ATP8B4: variants seen among roughly 807,000 people sequenced by gnomAD.
ATP8B4 encodes the protein probable phospholipid-transporting ATPase IM.
In ATP8B4, 133 loss-of-function variants were observed where a neutral mutation model predicts 145.6. The observed-to-expected ratio is 0.91, with a 90% CI of 0.79 to 1.05. The LOEUF (loss-of-function observed/expected upper bound fraction) is 1.05. Among genes scored for constraint, ATP8B4 ranks in the 50% least tolerant of loss-of-function variants. The pLI is 0.00. For synonymous variants in ATP8B4, 507 were observed against 492.9 expected (o/e 1.03, Z -0.38); for missense variants, 1,458 against 1,425.2 (o/e 1.02, Z -0.37).
chr15:50,176,814 T>C (rs1453457213), intron 1 of ATP8B4, among the ~76,000 whole-genome samples: 3 of 152,184 alleles, frequency 2.0e-5, no homozygotes, highest in Non-Finnish European at 2.9e-5. Context: ...AATTATAAAT[T>C]GTCCTGACTG....
intron 20 of ATP8B4, among the ~76,000 whole-genome samples, chr15:49,913,730 A>G (rs2039465803): frequency 6.6e-6 from 1 of 152,204 alleles, no homozygotes; most frequent in African/African-American, 2.4e-5. Flanking sequence ...CCAATAATGA[A>G]GTACCTGAGA....
chr15:49,974,397 CTT>C (rs35144345), intron 12 of ATP8B4, among the ~76,000 whole-genome samples: 32 of 142,798 alleles, frequency 2.2e-4, no homozygotes, highest in Non-Finnish European at 2.6e-4. Context: ...GCCACTTGTC[CTT>C]TTTTTTTTTT....
chr15:49,949,780 T>G (rs1027311741), intron 14 of ATP8B4, among the ~76,000 whole-genome samples: 4 of 152,148 alleles, frequency 2.6e-5, no homozygotes, highest in Non-Finnish European at 4.4e-5. Context: ...GCCCATTCAA[T>G]ATGATATTGG....
At chr15:50,157,270 C>G (rs2044433714) in intron 1 of ATP8B4, among the ~76,000 whole-genome samples, 1 of 152,042 alleles carries the variant, frequency 6.6e-6, no homozygotes, top group Non-Finnish European at 1.5e-5. Flanking sequence ...CATAACCAAA[C>G]CAAATCCCAA....
chr15:49,949,482 T>C (rs1263537717), intron 14 of ATP8B4, among the ~76,000 whole-genome samples: 3 of 152,158 alleles, frequency 2.0e-5, no homozygotes, highest in Non-Finnish European at 4.4e-5. Flanking sequence ...CTATTGTTGG[T>C]GTAAAGGAAT....
intron 15 of ATP8B4, among the ~76,000 whole-genome samples, chr15:49,933,098 T>A (rs1029784262): frequency 1.3e-5 from 2 of 151,714 alleles, no homozygotes; most frequent in African/African-American, 4.8e-5. Context: ...ACCCAAAAAA[T>A]TTATATAAAT....
intron 6 of ATP8B4, among the ~76,000 whole-genome samples, chr15:50,027,379 G>GTGGATGGACGGATGGA (rs2050087375): frequency 6.7e-6 from 1 of 148,912 alleles, no homozygotes; most frequent in East Asian, 2.0e-4. Flanking sequence ...GGATGGATGG[G>GTGGATGGACGGATGGA]TGGATGGATG....
chr15:49,954,046 C>T (rs1158458440), intron 14 of ATP8B4, among the ~76,000 whole-genome samples: 2 of 151,840 alleles, frequency 1.3e-5, no homozygotes, highest in East Asian at 2.0e-4. Context: ...CCTTGGTTGC[C>T]GGTGAAGGAT....
chr15:50,051,073 T>C (rs1356744155), intron 3 of ATP8B4, among the ~76,000 whole-genome samples: 1 of 152,182 alleles, frequency 6.6e-6, no homozygotes, highest in Non-Finnish European at 1.5e-5. Context: ...GTAGTTCCCA[T>C]AATCCTCACA....
intron 1 of ATP8B4, among the ~76,000 whole-genome samples, chr15:50,172,553 C>T (rs996037967): frequency 2.0e-5 from 3 of 152,248 alleles, no homozygotes; most frequent in African/African-American, 4.8e-5. Flanking sequence ...GCAGTCTCTG[C>T]CCGGCCGCCA....
At chr15:50,152,203 T>C (rs9707844) in intron 1 of ATP8B4, among the ~76,000 whole-genome samples, 25,685 of 152,126 alleles carry the variant, frequency 0.17, 2,373 homozygotes, top group Non-Finnish European at 0.21. Flanking sequence ...GAAATGCTTT[T>C]AGAGAAGGAC....
intron 2 of ATP8B4, among the ~76,000 whole-genome samples, chr15:50,083,273 T>C (rs1402393682): frequency 6.6e-6 from 1 of 152,202 alleles, no homozygotes; most frequent in Non-Finnish European, 1.5e-5. Flanking sequence ...ACTGACTGTT[T>C]TCTTTGAAAC....
intron 5 of ATP8B4, 122 bp from the exon 6 acceptor site, chr15:50,038,951 A>T: frequency 2.5e-6 from 2 of 805,098 alleles, no homozygotes; most frequent in Non-Finnish European, 4.1e-6. Flanking sequence ...CTAAGATGAC[A>T]CTGTTTGAGC....
At chr15:49,952,900 G>T (rs866412899) in intron 14 of ATP8B4, among the ~76,000 whole-genome samples, 2 of 123,078 alleles carry the variant, frequency 1.6e-5, no homozygotes, top group Non-Finnish European at 2.0e-5. Flanking sequence ...GCCTTTTGTT[G>T]TTGTTGTTGT....
At chr15:50,068,725 T>C (rs1201918541) in intron 3 of ATP8B4, among the ~76,000 whole-genome samples, 1 of 152,214 alleles carries the variant, frequency 6.6e-6, no homozygotes, top group Non-Finnish European at 1.5e-5. Flanking sequence ...ATCTCCCTTC[T>C]CAAATTCTGT....
intron 2 of ATP8B4, among the ~76,000 whole-genome samples, chr15:50,085,427 C>T (rs1297476405): frequency 6.6e-6 from 1 of 152,038 alleles, no homozygotes; most frequent in Admixed American, 6.6e-5. Context: ...TTTGTGTTTC[C>T]TGGAGTCTAT....
In ATP8B4 at chr15:49,962,027, A is replaced by G; in HGVS notation, c.1244-7T>C. 1 of 1,590,754 alleles carries G rather than the reference A, an allele frequency of 6.3e-7. No homozygotes were observed. Among genetic ancestry groups the G allele is most frequent in the Non-Finnish European group, 8.5e-7 (1 of 1,171,688 alleles). On this transcript the variant is annotated splice_region_variant and splice_polypyrimidine_tract_variant and intron_variant, in intron 13 of 27. Coordinates refer to ENST00000284509, the MANE Select transcript of ATP8B4 (RefSeq NM_024837.4). ...AGGTCATCATGTACTTCACCTGACAAAACAAAAATTGAGAATTAAAAGTAA... is the reference window on the plus strand; with the variant it reads ...AGGTCATCATGTACTTCACCTGACAGAACAAAAATTGAGAATTAAAAGTAA...
At chr15:50,155,422 G>GA (rs1473639545) in intron 1 of ATP8B4, among the ~76,000 whole-genome samples, 2 of 152,008 alleles carry the variant, frequency 1.3e-5, no homozygotes, top group African/African-American at 4.8e-5. Flanking sequence ...AACTAATGAA[G>GA]AAAAAAGATA....
chr15:50,093,656 C>G (rs914700350), intron 2 of ATP8B4, among the ~76,000 whole-genome samples: 2 of 151,820 alleles, frequency 1.3e-5, no homozygotes, highest in Non-Finnish European at 2.9e-5. Context: ...ACAAATATAG[C>G]AATAACTATA....
Sources: allele counts gnomAD v4.1 joint callset (sites outside exome capture counted in the v4.1 genomes callset), GRCh38; gene constraint gnomAD v4.1.1; transcripts MANE v1.5; gene names NCBI Gene and HGNC (gene_info 2026-07-23, HGNC 2026-07-21).